The following DPP6 variants were observed in gnomAD, a reference collection of about 807,000 sequenced individuals.
The protein encoded by DPP6 is dipeptidyl peptidase like 6, also known as A-type potassium channel modulatory protein DPP6.
Under a neutral mutation model 122.6 loss-of-function variants are expected in DPP6, and 69 were observed. The ratio of observed to expected loss-of-function variants is 0.56; its 90% confidence interval spans 0.46 to 0.69. The LOEUF (loss-of-function observed/expected upper bound fraction) is 0.69. Ranked by LOEUF, DPP6 falls within the 30% of genes least tolerant of loss-of-function variation. DPP6 has a pLI of 0.00. For missense variants in DPP6, 928 were observed against 1,116.9 expected (o/e 0.83, Z 2.41); for synonymous variants, 418 against 433.1 (o/e 0.97, Z 0.43).
chr7:154,853,828 G>A lies in DPP6; in HGVS notation c.1714+1G>A. ...GTGCACAACACAACAGATAAGAAAA[G>A]TAAGTGCTCTTTTTTTTCCTTAAAT... On this transcript the variant is annotated splice_donor_variant, in intron 17 of 25. Transcript: ENST00000377770. LOFTEE classifies it high-confidence loss of function. 6.2e-7 allele frequency: 1 copy of A among 1,613,684 alleles called. No individual in the cohort carries two copies.
chr7:153,831,758 C>T, the DPP6 span, among the ~76,000 whole-genome samples: 196 of 152,232 alleles, frequency 1.3e-3, no homozygotes, highest in African/African-American at 4.5e-3. Flanking sequence ...ATAACGCAGG[C>T]AGTGGGCTGG....
rs184734871 is a variant in DPP6 at position 154,466,204 on chromosome 7, G to A, written c.359-8735G>A. ...GGAACATCACACACTGGGGCCTGTCGAGGGGTGGGGGGCAAGGGAAGGGAT... is the reference window on the plus strand; with the variant it reads ...GGAACATCACACACTGGGGCCTGTCAAGGGGTGGGGGGCAAGGGAAGGGAT... On this transcript the variant is annotated intron_variant, in intron 2 of 25. Coordinates refer to ENST00000377770, the MANE Select transcript of DPP6 (RefSeq NM_130797.4). Among the ~76,000 whole-genome samples the A allele has an allele frequency of 5.5e-3, 837 of 152,044 alleles. 8 individuals are homozygous for A. Among genetic ancestry groups the A allele is most frequent in the African/African-American group, 0.018 (761 of 41,456 alleles).
intron 1 of DPP6, among the ~76,000 whole-genome samples, chr7:154,290,044 C>G (rs375858375): frequency 6.6e-6 from 1 of 152,232 alleles, no homozygotes; most frequent in Admixed American, 6.5e-5. Context: ...CCCATCATTA[C>G]GAAATCATTT....
chr7:154,668,197 T>TTTTATATATATATATATATATA (rs752665377), intron 6 of DPP6, among the ~76,000 whole-genome samples: 5 of 36,476 alleles, frequency 1.4e-4, no homozygotes, highest in Non-Finnish European at 3.1e-4. Context: ...TGTGTATATT[T>TTTTATATATATATATATATATA]TATATATATA....
At chr7:154,070,050 T>C (rs1188308980) in intron 1 of DPP6, among the ~76,000 whole-genome samples, 1 of 152,018 alleles carries the variant, frequency 6.6e-6, no homozygotes, top group East Asian at 1.9e-4. Flanking sequence ...AGACTCCGTC[T>C]CAAAACAAAA....
At chr7:153,883,886 G>C (rs915838771), upstream of DPP6, among the ~76,000 whole-genome samples, 1 of 152,206 alleles carries the variant, frequency 6.6e-6, no homozygotes, top group African/African-American at 2.4e-5. Flanking sequence ...TCACAAGCTG[G>C]GCAGGAGGAG....
upstream of DPP6, among the ~76,000 whole-genome samples, chr7:153,883,459 C>A (rs143394661): frequency 1.4e-4 from 21 of 152,178 alleles, no homozygotes; most frequent in East Asian, 4.1e-3. Context: ...CTCGGCTCAC[C>A]ACAACCTCCG....
intron 4 of DPP6, among the ~76,000 whole-genome samples, chr7:154,542,583 A>G (rs1247273677): frequency 6.6e-6 from 1 of 152,188 alleles, no homozygotes; most frequent in Non-Finnish European, 1.5e-5. Flanking sequence ...TAATAAGGTG[A>G]CTTCAGAAAC....
chr7:153,875,179 A>C, the DPP6 span, among the ~76,000 whole-genome samples: 5 of 152,242 alleles, frequency 3.3e-5, no homozygotes, highest in African/African-American at 1.2e-4. Flanking sequence ...ACTGTATAAG[A>C]GTGCAAGTCA....
intron 17 of DPP6, among the ~76,000 whole-genome samples, chr7:154,861,575 A>C (rs930712921): frequency 1.3e-5 from 2 of 152,192 alleles, no homozygotes; most frequent in African/African-American, 4.8e-5. Flanking sequence ...TTTCTTTTTA[A>C]CTTCCGGTGA....
At chr7:154,817,637 TTAA>T (rs1320579115) in intron 16 of DPP6, among the ~76,000 whole-genome samples, 1 of 152,190 alleles carries the variant, frequency 6.6e-6, no homozygotes, top group African/African-American at 2.4e-5. Context: ...GAGTGAATGA[TTAA>T]TGTCATAAAT....
At chr7:154,864,685 G>T (rs1023632663) in intron 17 of DPP6, among the ~76,000 whole-genome samples, 2 of 152,232 alleles carry the variant, frequency 1.3e-5, no homozygotes, top group Non-Finnish European at 2.9e-5. Flanking sequence ...AGTTGTGTGG[G>T]CAATCATTAA....
chr7:154,066,652 A>T (rs1055099494), intron 1 of DPP6, among the ~76,000 whole-genome samples: 1 of 151,270 alleles, frequency 6.6e-6, no homozygotes, highest in African/African-American at 2.4e-5. Flanking sequence ...AGAAAGTGAG[A>T]GTCTCATGTA....
At chr7:154,309,722 A>G (rs1563452665) in intron 1 of DPP6, among the ~76,000 whole-genome samples, 2 of 152,198 alleles carry the variant, frequency 1.3e-5, no homozygotes, top group African/African-American at 4.8e-5. Flanking sequence ...CAGGAAAAAA[A>G]AGAAGTGAAA....
intron 1 of DPP6, among the ~76,000 whole-genome samples, chr7:153,950,484 A>G (rs1343091035): frequency 6.6e-6 from 1 of 152,190 alleles, no homozygotes; most frequent in Admixed American, 6.5e-5. Context: ...CCACGATCAC[A>G]TATGCTTGTT....
chr7:154,077,446 A>C lies in DPP6; in HGVS notation c.243+24383A>C, dbSNP rs531300042. 7.7e-4 allele frequency among the ~76,000 whole-genome samples: 118 copies of C among 152,270 alleles called. 1 individual carries two copies. The highest frequency in any genetic ancestry group is 2.8e-3 in the African/African-American group (117 of 41,550). Reference sequence around the variant, plus strand: ...ATTTATAGTTCTGTGGATTTATTCCAACGAGTCTGTTGAAAACTGGGATGT... The same window carrying C: ...ATTTATAGTTCTGTGGATTTATTCCCACGAGTCTGTTGAAAACTGGGATGT... On this transcript the variant is annotated intron_variant, in intron 1 of 25. Coordinates refer to ENST00000377770, the MANE Select transcript of DPP6 (RefSeq NM_130797.4).
chr7:154,732,250 G>A (rs1040409400), intron 8 of DPP6, among the ~76,000 whole-genome samples: 1 of 151,872 alleles, frequency 6.6e-6, no homozygotes, highest in African/African-American at 2.4e-5. Flanking sequence ...GTTTCACCGT[G>A]TTAGCCAGGA....
chr7:153,804,351 C>T, the DPP6 span, among the ~76,000 whole-genome samples: 7 of 152,106 alleles, frequency 4.6e-5, no homozygotes. Flanking sequence ...AGTGCCCCAC[C>T]CACTAGTACT....
chr7:153,911,693 T>C (rs559172807), intron 1 of DPP6, among the ~76,000 whole-genome samples: 1 of 152,290 alleles, frequency 6.6e-6, no homozygotes, highest in African/African-American at 2.4e-5. Flanking sequence ...GATTAATAAA[T>C]TGAGGTCAAC....
Sources: allele counts gnomAD v4.1 joint callset (sites outside exome capture counted in the v4.1 genomes callset), GRCh38; gene constraint gnomAD v4.1.1; transcripts MANE v1.5; gene names NCBI Gene and HGNC (gene_info 2026-07-23, HGNC 2026-07-21).